The following SH3GL1 variants were observed in gnomAD, a reference collection of about 807,000 sequenced individuals.
SH3GL1 encodes the protein endophilin-A2.
In SH3GL1, 21 loss-of-function variants were observed where a neutral mutation model predicts 48.8. That is an observed-to-expected ratio of 0.43 (90% CI 0.30 to 0.62). The LOEUF is 0.62. Ranked by LOEUF, SH3GL1 falls within the 20% of genes least tolerant of loss-of-function variation. SH3GL1 has a pLI of 0.11. For synonymous variants in SH3GL1, 282 were observed against 217.5 expected, an observed-to-expected ratio of 1.30 and a Z score of -2.61; for missense variants, 454 against 503.0, an observed-to-expected ratio of 0.90 and a Z score of 0.93.
intron 1 of SH3GL1, among the ~76,000 whole-genome samples, chr19:4,381,261 TC>T: frequency 3.3e-5 from 2 of 60,658 alleles, no homozygotes; most frequent in Non-Finnish European, 7.1e-5. Context: ...CCTCTCTCTG[TC>T]CCCCTACCTC....
At chr19:4,362,208 G>T in intron 9 of SH3GL1, 121 bp downstream of exon 9, 1 of 1,020,984 alleles carries the variant, frequency 9.8e-7, no homozygotes, top group Non-Finnish European at 1.5e-6. Flanking sequence ...GCCCCCTACT[G>T]CTGCACGAGC....
Position 4,364,237 on chromosome 19 carries a change from G to T in SH3GL1, c.332-16C>A. 1.9e-6 allele frequency: 3 copies of T among 1,613,756 alleles called. No homozygotes were observed. Among genetic ancestry groups the T allele is most frequent in the East Asian group, 2.2e-5 (1 of 44,886 alleles). ...AATGCGTCACCTGTGGAGAAGTGGT[G>T]GGGGAAGCCATCATACCGGGCCTGG... On this transcript the variant is annotated splice_polypyrimidine_tract_variant and intron_variant, in intron 4 of 9. Transcript: ENST00000269886.
intron 4 of SH3GL1, chr19:4,364,493 T>G: frequency 2.2e-6 from 1 of 455,142 alleles, no homozygotes. Flanking sequence ...TGCAGTGGCA[T>G]GATCTCAGCT....
intron 1 of SH3GL1, among the ~76,000 whole-genome samples, chr19:4,391,110 T>C (rs1168876667): frequency 1.3e-5 from 2 of 151,946 alleles, no homozygotes; most frequent in Non-Finnish European, 2.9e-5. Context: ...GGTTTCTCCT[T>C]TGAGGAAAAA....
Position 4,361,270 on chromosome 19 carries a change from G to A in SH3GL1, c.*330C>T, listed in dbSNP as rs1972602007. On this transcript the variant is annotated 3_prime_UTR_variant, in exon 10 of 10. Transcript: ENST00000269886. ...TGGGGGCTGCCCCAGAGGAACATTAGTGTTTCTAAGAGCACCTTAGTGTTG... is the reference window on the plus strand; with the variant it reads ...TGGGGGCTGCCCCAGAGGAACATTAATGTTTCTAAGAGCACCTTAGTGTTG... The A allele has an allele frequency of 4.9e-6, 2 of 404,366 alleles. No homozygotes were observed. The highest frequency in any genetic ancestry group is 9.0e-6 in the Non-Finnish European group (2 of 221,834). 25.0% of individuals were successfully genotyped at this position (404,366 alleles called of 1,614,324 possible). A position where few individuals can be genotyped will look rare whatever the true frequency, so the allele number is the denominator to read the frequency against.
intron 1 of SH3GL1, among the ~76,000 whole-genome samples, chr19:4,384,907 T>G (rs1362162979): frequency 6.6e-6 from 1 of 152,114 alleles, no homozygotes; most frequent in Non-Finnish European, 1.5e-5. Context: ...AGTTCGAGAC[T>G]AGCCTGGCCA....
chr19:4,386,375 A>G lies in SH3GL1; in HGVS notation c.45+13949T>C, dbSNP rs1015270560. Among the ~76,000 whole-genome samples the G allele has an allele frequency of 3.3e-5, 5 of 152,178 alleles. No homozygotes were observed. The South Asian group carries it at 1.0e-3, about 32-fold the overall frequency. On this transcript the variant is annotated intron_variant, in intron 1 of 9. Transcript: ENST00000269886. ...GGGCAAAGTCCCGAAATGACAGCAG[A>G]AAAATAATCAGTCAGCAGTTCTGCT...
intron 4 of SH3GL1, 135 bp from the exon 5 acceptor site, chr19:4,364,356 T>C: frequency 8.6e-7 from 1 of 1,159,948 alleles, no homozygotes; most frequent in Non-Finnish European, 1.2e-6. Context: ...ACTGCAGGCC[T>C]CAAACTGGGC....
intron 1 of SH3GL1, among the ~76,000 whole-genome samples, chr19:4,388,432 G>A (rs991886365): frequency 8.5e-5 from 13 of 152,162 alleles, no homozygotes; most frequent in South Asian, 8.3e-4. Context: ...GGCAGCGGAA[G>A]CACAGGAGAC....
intron 1 of SH3GL1, among the ~76,000 whole-genome samples, chr19:4,369,935 G>A (rs1383445293): frequency 6.6e-6 from 1 of 152,256 alleles, no homozygotes; most frequent in African/African-American, 2.4e-5. Context: ...GGAAACACGG[G>A]AAAAGCAAGG....
In SH3GL1 at chr19:4,362,312, G is replaced by A. The variant is rs1452588378; in HGVS notation, c.910+17C>T. The A allele has an allele frequency of 6.2e-6, 10 of 1,609,020 alleles. No individual in the cohort carries two copies. The highest frequency in any genetic ancestry group is 7.6e-6 in the Non-Finnish European group (9 of 1,177,336). ...AGAAGGCAGCACTGAGGTCGAGGCG[G>A]GCCTGGGAACACTCACGCATGCTCC... is the stretch of plus-strand genomic sequence containing the variant. On this transcript the variant is annotated intron_variant, in intron 9 of 9. Transcript: ENST00000269886.
chr19:4,370,358 C>T (rs1972873212), intron 1 of SH3GL1, among the ~76,000 whole-genome samples: 3 of 152,210 alleles, frequency 2.0e-5, no homozygotes, highest in Admixed American at 2.0e-4. Context: ...TCGAGTCCAT[C>T]CCATACCCAC....
At chr19:4,368,676 ATTCAG>A (rs1972834019) in intron 1 of SH3GL1, among the ~76,000 whole-genome samples, 1 of 152,168 alleles carries the variant, frequency 6.6e-6, no homozygotes, top group Non-Finnish European at 1.5e-5. Flanking sequence ...TGTGCCGGGC[ATTCAG>A]TGAGCACAGG....
At chr19:4,364,859 C>T (rs1380852478) in intron 4 of SH3GL1, among the ~76,000 whole-genome samples, 2 of 96,812 alleles carry the variant, frequency 2.1e-5, no homozygotes, top group Non-Finnish European at 4.3e-5. Flanking sequence ...CTACCACACC[C>T]GGCTAATTGT....
intron 4 of SH3GL1, 100 bp downstream of exon 4, chr19:4,365,382 T>C: frequency 6.7e-7 from 1 of 1,499,312 alleles, no homozygotes; most frequent in Non-Finnish European, 9.2e-7. Context: ...CCACTGTACG[T>C]CCCCGGCACT....
In SH3GL1 at chr19:4,363,752, C is replaced by G. The variant is rs766638498; in HGVS notation, c.592G>C (p.Glu198Gln). ...EKFEESKEVA[E>Q]TSMHNLLETD... ...TCCAGGAGGTTGTGCATGCTGGTTT[C>G]TGCCACCTCCTTGGACTCCTCGAAC... Residue 198 changes from glutamate (E) to glutamine (Q), a missense_variant, in exon 6 of 10, where the codon GAA becomes CAA. By Grantham distance (29) the Glu-to-Gln change is conservative. Transcript: ENST00000269886. 3 of 1,613,666 alleles carry G rather than the reference C, an allele frequency of 1.9e-6. No individual in the cohort carries two copies. Among genetic ancestry groups the G allele is most frequent in the Non-Finnish European group, 2.5e-6 (3 of 1,180,038 alleles).
Position 4,398,001 on chromosome 19 carries a change from C to A in SH3GL1, c.45+2323G>T, listed in dbSNP as rs553789693. On this transcript the variant is annotated intron_variant, in intron 1 of 9. Coordinates refer to ENST00000269886, the MANE Select transcript of SH3GL1 (RefSeq NM_003025.4). ...AGCTGGGACTGCAGGTGCACATCACCACACCTGGCTAACTTTTTCATATTT... is the reference window on the plus strand; with the variant it reads ...AGCTGGGACTGCAGGTGCACATCACAACACCTGGCTAACTTTTTCATATTT... 5.7e-4 allele frequency among the ~76,000 whole-genome samples: 87 copies of A among 152,184 alleles called. 2 individuals are homozygous for A. The highest frequency in any genetic ancestry group is 1.5e-5 in the Non-Finnish European group (1 of 67,998).
At position 4,376,789 on chromosome 19, in the gene SH3GL1, C is replaced by T. The variant is rs528524774; in HGVS notation, c.46-9795G>A. On this transcript the variant is annotated intron_variant, in intron 1 of 9. Transcript: ENST00000269886. The surrounding 1 kb of genome is among the most constrained non-coding windows in gnomAD (Gnocchi z 4.3). ...CTGCCCCACCCTCCTGCTATCCTCACGGGGCCTCGCATTCCTCTTGCTTGC... is the reference window on the plus strand; with the variant it reads ...CTGCCCCACCCTCCTGCTATCCTCATGGGGCCTCGCATTCCTCTTGCTTGC... 1.3e-5 allele frequency among the ~76,000 whole-genome samples: 2 copies of T among 152,304 alleles called. No individual in the cohort carries two copies. The highest frequency in any genetic ancestry group is 1.3e-4 in the Admixed American group (2 of 15,298).
chr19:4,362,587 G>C lies in SH3GL1; in HGVS notation c.853+25C>G, dbSNP rs112689513. On this transcript the variant is annotated intron_variant, in intron 8 of 9. Transcript: ENST00000269886. ...CTCCCACCCGCTGGCATTTGCCTCC[G>C]CAAGAGGGCTCCATGCCCCATTACC... is the stretch of plus-strand genomic sequence containing the variant. 4.1e-4 allele frequency: 667 copies of C among 1,612,654 alleles called. 1 individual carries two copies. In the African/African-American group the frequency reaches 4.4e-3, roughly 11 times the overall value.
Sources: gnomAD v4.1 joint callset for allele counts (sites outside exome capture counted in the v4.1 genomes callset) on GRCh38, gnomAD v4.1.1 for gene constraint, Gnocchi (gnomAD v3.1) non-coding constraint, MANE v1.5 for transcripts, NCBI Gene and HGNC (gene_info 2026-07-23, HGNC 2026-07-21) for gene names.